SYNE2: variants seen among roughly 807,000 people sequenced by gnomAD.
SYNE2 encodes nesprin-2.
SYNE2 carries 431 observed loss-of-function variants against 856.3 expected under a neutral mutation model. The observed-to-expected ratio is 0.50, with a 90% CI of 0.47 to 0.55. The LOEUF (loss-of-function observed/expected upper bound fraction) is 0.55, where lower values mean the gene tolerates loss of function less well. Ranked by LOEUF, SYNE2 falls within the 20% of genes least tolerant of loss-of-function variation. The probability of loss-of-function intolerance (pLI) is 0.00; values close to 1 mark genes in which losing one functional copy is unlikely to be tolerated. For missense variants in SYNE2, 8,129 were observed against 8,023.2 expected, an observed-to-expected ratio of 1.01 and a Z score of -0.50; for synonymous variants, 2,923 against 2,872.3, an observed-to-expected ratio of 1.02 and a Z score of -0.56.
At chr14:64,214,523 T>A in intron 106 of SYNE2, 53 bp downstream of exon 106, 2 of 1,540,616 alleles carry the variant, frequency 1.3e-6, no homozygotes, top group South Asian at 2.3e-5. Context: ...GCTATGTTTT[T>A]AGCCCCTTAG....
intron 84 of SYNE2, among the ~76,000 whole-genome samples, chr14:64,148,141 G>A (rs1342764674): frequency 2.0e-5 from 3 of 152,004 alleles, no homozygotes; most frequent in Non-Finnish European, 4.4e-5. Context: ...GTGAGACCCC[G>A]TCTCTACAAA....
At chr14:64,132,968 G>A (rs188223534) in intron 77 of SYNE2, among the ~76,000 whole-genome samples, 3 of 152,126 alleles carry the variant, frequency 2.0e-5, no homozygotes, top group South Asian at 2.1e-4. Context: ...TTTGGGAGGC[G>A]GAGGGGGGCA....
chr14:64,100,531 A>AAAAAAAAAAAAATATAT (rs1491537041), intron 63 of SYNE2, among the ~76,000 whole-genome samples: 1 of 39,494 alleles, frequency 2.5e-5, no homozygotes, highest in Non-Finnish European at 4.7e-5. Context: ...AAAAAAAAAA[A>AAAAAAAAAAAAATATAT]ATATATATAT....
At chr14:64,047,336 C>T (rs919692083) in intron 45 of SYNE2, among the ~76,000 whole-genome samples, 2 of 152,068 alleles carry the variant, frequency 1.3e-5, no homozygotes, top group African/African-American at 4.8e-5. Flanking sequence ...AGCGAAGACA[C>T]CACTCAAAGG....
At chr14:64,039,859 T>C (rs1389452950) in intron 45 of SYNE2, among the ~76,000 whole-genome samples, 1 of 152,092 alleles carries the variant, frequency 6.6e-6, no homozygotes, top group Non-Finnish European at 1.5e-5. Flanking sequence ...TGATAGATAC[T>C]CCAGAATAGA....
intron 89 of SYNE2, among the ~76,000 whole-genome samples, chr14:64,164,871 TTTTTTTG>T (rs1273510762): frequency 6.6e-5 from 10 of 151,206 alleles, no homozygotes; most frequent in South Asian, 2.1e-4. Flanking sequence ...ATTTTTTGTT[TTTTTTTG>T]TTTGTTTGTT....
intron 95 of SYNE2, 151 bp downstream of exon 95, chr14:64,175,289 A>T (rs1270272251): frequency 5.4e-5 from 44 of 808,908 alleles, no homozygotes; most frequent in Non-Finnish European, 6.7e-5. Flanking sequence ...CAGTTACTTA[A>T]TGTGAAATGA....
intron 93 of SYNE2, among the ~76,000 whole-genome samples, 174 bp from the exon 94 acceptor site, chr14:64,170,054 C>T (rs2098403200): frequency 6.6e-6 from 1 of 152,194 alleles, no homozygotes. Context: ...GCATGCTGCC[C>T]TTCCCAAAGC....
At chr14:64,167,671 G>T in intron 92 of SYNE2, 32 bp downstream of exon 92, 1 of 1,613,758 alleles carries the variant, frequency 6.2e-7, no homozygotes, top group East Asian at 2.2e-5. Flanking sequence ...CCCTTGAACC[G>T]CTCATCTGGG....
intron 8 of SYNE2, among the ~76,000 whole-genome samples, 173 bp downstream of exon 8, chr14:63,955,088 AC>A (rs2096224109): frequency 2.0e-5 from 3 of 152,198 alleles, no homozygotes; most frequent in Non-Finnish European, 4.4e-5. Flanking sequence ...CAATTTGTTA[AC>A]TTCAGTAATT....
chr14:64,058,080 T>C (rs566682386), intron 49 of SYNE2, among the ~76,000 whole-genome samples: 1 of 152,356 alleles, frequency 6.6e-6, no homozygotes, highest in South Asian at 2.1e-4. Context: ...CTCTTCACTT[T>C]GTTGATTATT....
At chr14:64,145,720 G>A (rs1443279210) in intron 83 of SYNE2, among the ~76,000 whole-genome samples, 1 of 152,078 alleles carries the variant, frequency 6.6e-6, no homozygotes, top group Non-Finnish European at 1.5e-5. Flanking sequence ...AATGCAGAAA[G>A]TCTGAGGAAA....
chr14:64,111,525 G>A (rs369220159), intron 65 of SYNE2, among the ~76,000 whole-genome samples: 1 of 152,020 alleles, frequency 6.6e-6, no homozygotes, highest in South Asian at 2.1e-4. Flanking sequence ...AGGGCCAGGC[G>A]CTGTGGCTTA....
At position 63,765,600 on chromosome 14, in the gene SYNE2, G is replaced by A. The variant is rs188610482; in HGVS notation, c.-305+3614G>A. Reference sequence around the variant, plus strand: ...TCTCGATCTCCTGACCTCATGATCCGCCTGCCTCGGCCTCCCAGAGTGCTG... The same window carrying A: ...TCTCGATCTCCTGACCTCATGATCCACCTGCCTCGGCCTCCCAGAGTGCTG... On this transcript the variant is annotated intron_variant, in intron 1 of 23. Coordinates refer to the SYNE2 transcript ENST00000674003. 3.4e-4 allele frequency among the ~76,000 whole-genome samples: 51 copies of A among 152,108 alleles called. No individual in the cohort carries two copies. The East Asian group carries it at 7.2e-3, about 21-fold the overall frequency.
intron 94 of SYNE2, among the ~76,000 whole-genome samples, chr14:64,170,870 TAGAA>T (rs2098407287): frequency 6.6e-6 from 1 of 152,118 alleles, no homozygotes; most frequent in Non-Finnish European, 1.5e-5. Context: ...ACAAAAAAAA[TAGAA>T]TGAATAAGAC....
At chr14:63,994,356 A>G (rs1000642144) in intron 22 of SYNE2, among the ~76,000 whole-genome samples, 2 of 152,212 alleles carry the variant, frequency 1.3e-5, no homozygotes, top group Non-Finnish European at 2.9e-5. Flanking sequence ...TAATGTGATA[A>G]TTAAAATGTG....
chr14:63,944,554 C>T (rs544181010), intron 6 of SYNE2, among the ~76,000 whole-genome samples: 58 of 125,594 alleles, frequency 4.6e-4, no homozygotes, highest in Middle Eastern at 0.013. Flanking sequence ...GACAGAGTCT[C>T]GCTCTGTTGC....
intron 1 of SYNE2, among the ~76,000 whole-genome samples, chr14:63,867,701 A>C (rs1424833382): frequency 6.9e-6 from 1 of 143,926 alleles, no homozygotes; most frequent in Non-Finnish European, 1.6e-5. Context: ...CTGTCTCAAA[A>C]AAAGAATAAA....
At chr14:63,790,211 A>C (rs912016340) in intron 1 of SYNE2, among the ~76,000 whole-genome samples, 1 of 152,098 alleles carries the variant, frequency 6.6e-6, no homozygotes, top group South Asian at 2.1e-4. Context: ...ATGCACCTGT[A>C]GTCCCAGCTA....
Sources: allele counts gnomAD v4.1 joint callset (sites outside exome capture counted in the v4.1 genomes callset), GRCh38; gene constraint gnomAD v4.1.1; transcripts MANE v1.5; gene names NCBI Gene and HGNC (gene_info 2026-07-23, HGNC 2026-07-21).